The following LRFN2 variants were observed in gnomAD, a reference collection of about 807,000 sequenced individuals.
LRFN2 encodes the protein leucine-rich repeat and fibronectin type-III domain-containing protein 2.
A neutral mutation model predicts 37.3 loss-of-function variants in LRFN2; 18 were observed. That is an observed-to-expected ratio of 0.48 (90% confidence interval 0.33 to 0.72). The LOEUF (loss-of-function observed/expected upper bound fraction) is 0.72. Among genes scored for constraint, LRFN2 ranks in the 30% least tolerant of loss-of-function variants. The probability of loss-of-function intolerance (pLI) is 0.02; values close to 1 mark genes in which losing one functional copy is unlikely to be tolerated. For synonymous variants in LRFN2, 556 were observed against 466.6 expected, an observed-to-expected ratio of 1.19 and a Z score of -2.47; for missense variants, 1,006 against 1,060.7, an observed-to-expected ratio of 0.95 and a Z score of 0.72.
At chr6:40,486,689 G>GA (rs1210563507) in intron 1 of LRFN2, among the ~76,000 whole-genome samples, 2 of 152,194 alleles carry the variant, frequency 1.3e-5, no homozygotes, top group Non-Finnish European at 2.9e-5. Flanking sequence ...GAAAGCTGGG[G>GA]ATGTGCAAAT....
intron 1 of LRFN2, among the ~76,000 whole-genome samples, chr6:40,543,555 A>G (rs2113917695): frequency 6.6e-6 from 1 of 152,180 alleles, no homozygotes; most frequent in Middle Eastern, 3.4e-3. Flanking sequence ...CAAGCCTGTG[A>G]TTTTTCACCA....
At chr6:40,415,349 C>G (rs1332673856) in intron 2 of LRFN2, among the ~76,000 whole-genome samples, 1 of 152,142 alleles carries the variant, frequency 6.6e-6, no homozygotes, top group African/African-American at 2.4e-5. Context: ...CCTCAGCCCC[C>G]CAAGTACCTG....
chr6:40,557,668 T>C (rs1766915540), intron 1 of LRFN2, among the ~76,000 whole-genome samples: 1 of 152,078 alleles, frequency 6.6e-6, no homozygotes. Flanking sequence ...ATCCAAAAGC[T>C]CAGAGATGGT....
chr6:40,405,142 A>G (rs914191838), intron 2 of LRFN2, among the ~76,000 whole-genome samples: 1 of 152,162 alleles, frequency 6.6e-6, no homozygotes, highest in African/African-American at 2.4e-5. Context: ...TGTTCAAGCT[A>G]CCCAGCTACC....
intron 2 of LRFN2, among the ~76,000 whole-genome samples, chr6:40,422,715 C>T (rs373694650): frequency 6.6e-6 from 1 of 152,212 alleles, no homozygotes; most frequent in Non-Finnish European, 1.5e-5. Context: ...GGCACTCTTC[C>T]AGGCCTAACC....
intron 1 of LRFN2, chr6:40,501,818 A>G (rs1275467335): frequency 6.6e-6 from 1 of 152,122 alleles, no homozygotes; most frequent in Non-Finnish European, 1.5e-5. Flanking sequence ...TGGGGTGCAA[A>G]AGCCCTCATG....
chr6:40,399,257 TG>T (rs1762677719), intron 2 of LRFN2, among the ~76,000 whole-genome samples: 1 of 151,466 alleles, frequency 6.6e-6, no homozygotes, highest in African/African-American at 2.4e-5. Context: ...TGGATGGGGA[TG>T]GGTGGGTGGC....
At chr6:40,416,471 G>T (rs1763095070) in intron 2 of LRFN2, among the ~76,000 whole-genome samples, 1 of 152,250 alleles carries the variant, frequency 6.6e-6, no homozygotes, top group South Asian at 2.1e-4. Context: ...TTCACAGAAA[G>T]GAGAGCGTTG....
chr6:40,414,751 G>A (rs1763058209), intron 2 of LRFN2, among the ~76,000 whole-genome samples: 1 of 152,216 alleles, frequency 6.6e-6, no homozygotes. Flanking sequence ...CCCCCAGGCG[G>A]GGTCACTGTG....
At chr6:40,574,824 G>C (rs1216030593) in intron 1 of LRFN2, among the ~76,000 whole-genome samples, 1 of 152,106 alleles carries the variant, frequency 6.6e-6, no homozygotes. Context: ...CTCTGCCAAG[G>C]ATGGCTCCTT....
At chr6:40,528,917 T>G (rs1766302646) in intron 1 of LRFN2, among the ~76,000 whole-genome samples, 1 of 152,216 alleles carries the variant, frequency 6.6e-6, no homozygotes, top group African/African-American at 2.4e-5. Context: ...GCCCCATTCC[T>G]GCCACCCCAG....
At chr6:40,475,491 G>A (rs1433786982) in intron 1 of LRFN2, among the ~76,000 whole-genome samples, 2 of 152,172 alleles carry the variant, frequency 1.3e-5, no homozygotes, top group Non-Finnish European at 2.9e-5. Flanking sequence ...CATGAGATGT[G>A]TGCTCAAGGG....
At chr6:40,579,345 T>G (rs944755813) in intron 1 of LRFN2, among the ~76,000 whole-genome samples, 1 of 152,148 alleles carries the variant, frequency 6.6e-6, no homozygotes, top group Non-Finnish European at 1.5e-5. Context: ...ATGGTTCCTT[T>G]CAGGCCAGCT....
intron 1 of LRFN2, among the ~76,000 whole-genome samples, chr6:40,471,107 G>T (rs569111159): frequency 3.3e-5 from 5 of 152,272 alleles, no homozygotes; most frequent in Admixed American, 1.3e-4. Flanking sequence ...GGGGCCAGGG[G>T]CCCACAAGCT....
intron 2 of LRFN2, among the ~76,000 whole-genome samples, chr6:40,398,145 G>A (rs1762653324): frequency 6.6e-6 from 1 of 151,796 alleles, no homozygotes; most frequent in African/African-American, 2.4e-5. Context: ...CTATGTCTTG[G>A]CTGTGTGGGG....
At chr6:40,482,866 C>T (rs1458160549) in intron 1 of LRFN2, among the ~76,000 whole-genome samples, 1 of 152,184 alleles carries the variant, frequency 6.6e-6, no homozygotes, top group African/African-American at 2.4e-5. Flanking sequence ...GTAATGGGCT[C>T]CCGGGTGGTG....
In LRFN2 at chr6:40,441,200, C is replaced by G. The variant is rs554558120; in HGVS notation, c.-18-8069G>C. Among the ~76,000 whole-genome samples the G allele has an allele frequency of 8.5e-5, 13 of 152,298 alleles. No homozygotes were observed. In the South Asian group the frequency reaches 2.7e-3, roughly 32 times the overall value. On this transcript the variant is annotated intron_variant, in intron 1 of 2. Transcript: ENST00000338305. ...CACGACCTGGGCTGTGCGGCACTCGCCGTCTGTTGTCTTGAGACACGTGTG... is the reference window on the plus strand; with the variant it reads ...CACGACCTGGGCTGTGCGGCACTCGGCGTCTGTTGTCTTGAGACACGTGTG...
chr6:40,420,397 G>A (rs1435957839), intron 2 of LRFN2, among the ~76,000 whole-genome samples: 1 of 152,230 alleles, frequency 6.6e-6, no homozygotes, highest in Admixed American at 6.5e-5. Flanking sequence ...CAAGAAGTAA[G>A]CTTCCCTCTT....
At chr6:40,397,116 C>T (rs571093704) in intron 2 of LRFN2, among the ~76,000 whole-genome samples, 156 of 152,286 alleles carry the variant, frequency 1.0e-3, no homozygotes, top group Admixed American at 2.4e-3. Context: ...GAGAAAGCCA[C>T]GTGAAATGGG....
Sources: gnomAD v4.1 joint callset for allele counts (sites outside exome capture counted in the v4.1 genomes callset) on GRCh38, gnomAD v4.1.1 for gene constraint, MANE v1.5 for transcripts, NCBI Gene and HGNC (gene_info 2026-07-23, HGNC 2026-07-21) for gene names.